TERB1: variants seen among roughly 807,000 people sequenced by gnomAD.
TERB1 encodes the protein telomere repeats-binding bouquet formation protein 1.
In TERB1, 63 loss-of-function variants were observed where a neutral mutation model predicts 92.3. The observed-to-expected ratio is 0.68, with a 90% CI of 0.56 to 0.84. The LOEUF (loss-of-function observed/expected upper bound fraction) is 0.84. Among genes scored for constraint, TERB1 ranks in the 40% least tolerant of loss-of-function variants. TERB1 has a pLI of 0.00. For missense variants in TERB1, 709 were observed against 843.7 expected (o/e 0.84, Z 1.98); for synonymous variants, 252 against 283.9 (o/e 0.89, Z 1.13).
In TERB1 at chr16:66,786,015, A is replaced by G. The variant is rs1216581998; in HGVS notation, c.576T>C (p.Asn192=). 16 of 1,544,088 alleles carry G rather than the reference A, an allele frequency of 1.0e-5. No homozygotes were observed. The Admixed American group carries it at 2.8e-4, about 27-fold the overall frequency. ...TATTTAAACATGACAGATAATTACC[A>G]TTTTGAGGATTGTTGACACAGACAC... The part of the protein sequence containing the change: ...TLCVCVNNPQ[N]DENQMFCCSL... The change falls in exon 8 of 19, where the codon AAT becomes AAC. Residue 192 remains asparagine (N), a splice_region_variant and synonymous_variant. Transcript: ENST00000433154.
At chr16:66,774,418 C>T (rs1347097007) in intron 12 of TERB1, among the ~76,000 whole-genome samples, 1 of 151,890 alleles carries the variant, frequency 6.6e-6, no homozygotes, top group Non-Finnish European at 1.5e-5. Flanking sequence ...ATCTCCTGAC[C>T]TCGTGATCCG....
chr16:66,779,506 G>A (rs1488198452), intron 9 of TERB1, among the ~76,000 whole-genome samples: 1 of 152,098 alleles, frequency 6.6e-6, no homozygotes, highest in Admixed American at 6.5e-5. Flanking sequence ...GCTGAGGCAG[G>A]AGGACCACTT....
upstream of TERB1, among the ~76,000 whole-genome samples, chr16:66,801,776 C>A (rs1480895954): frequency 6.6e-6 from 1 of 152,224 alleles, no homozygotes; most frequent in Non-Finnish European, 1.5e-5. Context: ...CTCACCGCCC[C>A]CGGTTTTTAG....
At chr16:66,784,097 T>C (rs1406007517) in intron 9 of TERB1, among the ~76,000 whole-genome samples, 1 of 152,230 alleles carries the variant, frequency 6.6e-6, no homozygotes, top group African/African-American at 2.4e-5. Flanking sequence ...TTAAGATCTA[T>C]AGTGATGTCA....
intron 17 of TERB1, 31 bp from the exon 18 acceptor site, chr16:66,758,869 T>A: frequency 1.4e-6 from 2 of 1,391,220 alleles, no homozygotes; most frequent in Non-Finnish European, 2.0e-6. Context: ...TTAGCACATT[T>A]AGCGTATCAA....
chr16:66,758,562 G>A (rs868679471), intron 18 of TERB1: 93 of 418,450 alleles, frequency 2.2e-4, no homozygotes, highest in African/African-American at 1.9e-3. Context: ...CCAACATGGT[G>A]AAACCCCATC....
At chr16:66,791,072 A>G (rs914914843) in intron 3 of TERB1, 53 bp from the exon 4 acceptor site, 1 of 1,001,194 alleles carries the variant, frequency 1.0e-6, no homozygotes, top group Non-Finnish European at 1.5e-6. Flanking sequence ...TTCATAAACT[A>G]ACCATTCAAA....
At chr16:66,795,282 T>C (rs922768411) in intron 3 of TERB1, among the ~76,000 whole-genome samples, 1 of 152,190 alleles carries the variant, frequency 6.6e-6, no homozygotes, top group Non-Finnish European at 1.5e-5. Context: ...TGCTAAACAA[T>C]TGACTGATGG....
At chr16:66,775,014 G>A in intron 12 of TERB1, 104 bp downstream of exon 12, 1 of 1,249,580 alleles carries the variant, frequency 8.0e-7, no homozygotes. Context: ...CTTTTCAAAT[G>A]TAAGAAGAAT....
chr16:66,788,806 A>G (rs1035481256), intron 5 of TERB1, among the ~76,000 whole-genome samples: 4 of 152,108 alleles, frequency 2.6e-5, no homozygotes, highest in African/African-American at 9.6e-5. Context: ...TACAAAAATA[A>G]TATAGACATA....
At chr16:66,769,028 C>A (rs1316846824) in intron 14 of TERB1, among the ~76,000 whole-genome samples, 1 of 151,676 alleles carries the variant, frequency 6.6e-6, no homozygotes, top group Non-Finnish European at 1.5e-5. Flanking sequence ...TCACTTGAAC[C>A]CGGGAAGTGG....
chr16:66,796,991 A>G (rs573708347), intron 2 of TERB1, among the ~76,000 whole-genome samples, 161 bp from the exon 3 acceptor site: 2 of 152,344 alleles, frequency 1.3e-5, no homozygotes, highest in Admixed American at 1.3e-4. Context: ...TAATAAGTTG[A>G]ATCTGCAACT....
Position 66,758,750 on chromosome 16 carries a change from AAAATT to A in TERB1, c.1996+18_1996+22del. Reference sequence around the variant, plus strand: ...AGCCAGACCCTGTCTCAAGAAAAAAAAAATTAAATTAAATATATTCACTTATTCCT... The same window carrying A: ...AGCCAGACCCTGTCTCAAGAAAAAAAAAATTAAATATATTCACTTATTCCT... On this transcript the variant is annotated intron_variant, in intron 18 of 18. Transcript: ENST00000433154. The A allele has an allele frequency of 6.9e-7, 1 of 1,456,210 alleles. No individual in the cohort carries two copies. The highest frequency in any genetic ancestry group is 1.4e-5 in the African/African-American group (1 of 71,454). 90.2% of individuals were successfully genotyped at this position (1,456,210 alleles called of 1,614,324 possible). A position where few individuals can be genotyped will look rare whatever the true frequency, so the allele number is the denominator to read the frequency against.
At chr16:66,793,341 C>T (rs1362926230) in intron 3 of TERB1, among the ~76,000 whole-genome samples, 4 of 151,198 alleles carry the variant, frequency 2.6e-5, no homozygotes, top group Admixed American at 6.6e-5. Flanking sequence ...CTCAGCCTCC[C>T]GAATAGCTGG....
intron 6 of TERB1, 115 bp from the exon 7 acceptor site, chr16:66,786,400 C>T: frequency 1.4e-6 from 1 of 721,178 alleles, no homozygotes; most frequent in Non-Finnish European, 2.3e-6. Context: ...TAAAGTATTA[C>T]AAAGTATAAC....
intron 5 of TERB1, among the ~76,000 whole-genome samples, chr16:66,789,827 G>A (rs972094491): frequency 3.3e-5 from 5 of 150,252 alleles, no homozygotes; most frequent in Admixed American, 6.7e-5. Context: ...CTCCCACCTC[G>A]GCCTCCCAAG....
At chr16:66,797,953 A>G (rs1182439510) in intron 2 of TERB1, among the ~76,000 whole-genome samples, 1 of 152,134 alleles carries the variant, frequency 6.6e-6, no homozygotes, top group Non-Finnish European at 1.5e-5. Context: ...AGTCCAGTTA[A>G]CTTCTTAGAG....
At chr16:66,771,571 T>A (rs571194315) in intron 13 of TERB1, among the ~76,000 whole-genome samples, 8 of 151,854 alleles carry the variant, frequency 5.3e-5, no homozygotes, top group Non-Finnish European at 1.0e-4. Context: ...ATACCAAGGG[T>A]TGACTGTACT....
At chr16:66,778,295 C>T (rs932346780) in intron 10 of TERB1, among the ~76,000 whole-genome samples, 2 of 151,686 alleles carry the variant, frequency 1.3e-5, no homozygotes, top group Admixed American at 6.6e-5. Context: ...GATGGAGTCT[C>T]GATATGTTGA....
Sources: gnomAD v4.1 joint callset for allele counts (sites outside exome capture counted in the v4.1 genomes callset) on GRCh38, gnomAD v4.1.1 for gene constraint, MANE v1.5 for transcripts, NCBI Gene and HGNC (gene_info 2026-07-23, HGNC 2026-07-21) for gene names.